The following GH1 variants were observed in gnomAD, a reference collection of about 807,000 sequenced individuals.
The protein encoded by GH1 is growth hormone 1, also known as somatotropin.
In GH1, 13 loss-of-function variants were observed where a neutral mutation model predicts 24.5. That is an observed-to-expected ratio of 0.53 (90% confidence interval 0.35 to 0.85). The LOEUF (loss-of-function observed/expected upper bound fraction) is 0.85, where lower values mean the gene tolerates loss of function less well. Ranked by LOEUF, GH1 falls within the 40% of genes least tolerant of loss-of-function variation. The pLI, the probability that GH1 is intolerant of heterozygous loss-of-function variation, is 0.01. For synonymous variants in GH1, 126 were observed against 116.3 expected (o/e 1.08, Z -0.54); for missense variants, 294 against 273.2 (o/e 1.08, Z -0.54).
rs1907371028 is a variant in GH1 at position 63,917,275 on chromosome 17, C to G, written c.*34G>C. 6.2e-6 allele frequency: 10 copies of G among 1,613,974 alleles called. No individual in the cohort carries two copies. In the East Asian group the frequency reaches 2.0e-4, roughly 32 times the overall value. ...GCAACTTCCAGGGCCAGGAGAGGCA[C>G]TGGGGAGGGGTCACAGGGATGCCAC... On this transcript the variant is annotated 3_prime_UTR_variant, in exon 5 of 5. Transcript: ENST00000323322.
Position 63,917,231 on chromosome 17 carries a change from G to C in GH1, c.*78C>G. The C allele has an allele frequency of 6.2e-7, 1 of 1,606,672 alleles. No individual in the cohort carries two copies. The highest frequency in any genetic ancestry group is 1.7e-5 in the Admixed American group (1 of 59,846). On this transcript the variant is annotated 3_prime_UTR_variant, in exon 5 of 5. Coordinates refer to ENST00000323322, the MANE Select transcript of GH1 (RefSeq NM_000515.5). The stretch of plus-strand genomic sequence containing the variant: ...TGCAACTTAATTTTATTAGGACAAG[G>C]CTGGTGGGCACTGGAGTGGCAACTT...
At chr17:63,917,707 G>T in intron 4 of GH1, 53 bp downstream of exon 4, 3 of 1,614,180 alleles carry the variant, frequency 1.9e-6, no homozygotes, top group Non-Finnish European at 2.5e-6. Flanking sequence ...CTCTAACACA[G>T]CTCTCAAAGT....
chr17:63,918,811 G>T lies in GH1; in HGVS notation c.-35C>A. ...GTGAGCTGTCCACAGGACCCTGAGTGGTTCGGGGAGTTGGGCCTTGGGATC... is the reference window on the plus strand; with the variant it reads ...GTGAGCTGTCCACAGGACCCTGAGTTGTTCGGGGAGTTGGGCCTTGGGATC... On this transcript the variant is annotated 5_prime_UTR_variant, in exon 1 of 5. Coordinates refer to ENST00000323322, the MANE Select transcript of GH1 (RefSeq NM_000515.5). 1 of 1,613,970 alleles carries T rather than the reference G, an allele frequency of 6.2e-7. No homozygotes were observed. The highest frequency in any genetic ancestry group is 8.5e-7 in the Non-Finnish European group (1 of 1,179,868).
At position 63,918,417 on chromosome 17, in the gene GH1, T is replaced by A; in HGVS notation, c.100A>T (p.Arg34Trp). 1 of 1,614,074 alleles carries A rather than the reference T, an allele frequency of 6.2e-7. No homozygotes were observed. The highest frequency in any genetic ancestry group is 8.5e-7 in the Non-Finnish European group (1 of 1,180,002). ...CGGAGCATAGCGTTGTCAAAAAGCCTGGATAAGGGAATGGTTGGGAAGGCA... is the reference window on the plus strand; with the variant it reads ...CGGAGCATAGCGTTGTCAAAAAGCCAGGATAAGGGAATGGTTGGGAAGGCA... ...GSAFPTIPLS[R>W]LFDNAMLRAH... Residue 34 changes from arginine to tryptophan, a missense_variant, in exon 2 of 5, where the codon AGG becomes TGG. Transcript: ENST00000323322.
At chr17:63,918,608 G>T in intron 1 of GH1, 102 bp from the exon 2 acceptor site, 5 of 1,609,854 alleles carry the variant, frequency 3.1e-6, no homozygotes, top group Non-Finnish European at 4.2e-6. Context: ...TCCCTCCAGG[G>T]ACCAGGAGCT....
chr17:63,917,963 G>A (rs746829974), intron 3 of GH1, 39 bp from the exon 4 acceptor site: 4 of 1,614,200 alleles, frequency 2.5e-6, no homozygotes, highest in African/African-American at 1.3e-5. Flanking sequence ...GCTGCCCGGG[G>A]GCTCTGACTA....
Position 63,918,768 on chromosome 17 carries a change from T to C in GH1, c.9A>G (p.Thr3=). 1 of 1,613,988 alleles carries C rather than the reference T, an allele frequency of 6.2e-7. No individual in the cohort carries two copies. The highest frequency in any genetic ancestry group is 8.5e-7 in the Non-Finnish European group (1 of 1,179,862). The change falls in exon 1 of 5, where the codon ACA becomes ACG. Residue 3 remains threonine (T), a splice_region_variant and synonymous_variant. Coordinates refer to ENST00000323322, the MANE Select transcript of GH1 (RefSeq NM_000515.5). ...CAAAGGGATTTTAGGGGCGCTTACCTGTAGCCATTGCAGCTAGGTGAGCTG... is the reference window on the plus strand; with the variant it reads ...CAAAGGGATTTTAGGGGCGCTTACCCGTAGCCATTGCAGCTAGGTGAGCTG... MA[T]GSRTSLLLAF...
Sources: allele counts gnomAD v4.1 joint callset, GRCh38; gene constraint gnomAD v4.1.1; transcripts MANE v1.5; gene names NCBI Gene and HGNC (gene_info 2026-07-23, HGNC 2026-07-21).